The following SEPTIN9 variants were observed in gnomAD, a reference collection of about 807,000 sequenced individuals.
The protein encoded by SEPTIN9 is septin 9, also known as septin-9.
A neutral mutation model predicts 56.6 loss-of-function variants in SEPTIN9; 13 were observed. That is an observed-to-expected ratio of 0.23 (90% confidence interval 0.15 to 0.37). The LOEUF is 0.37. Ranked by LOEUF, SEPTIN9 falls within the 10% of genes least tolerant of loss-of-function variation. The pLI is 1.00. For synonymous variants in SEPTIN9, 332 were observed against 334.1 expected, an observed-to-expected ratio of 0.99 and a Z score of 0.07; for missense variants, 650 against 823.1, an observed-to-expected ratio of 0.79 and a Z score of 2.57.
At position 77,497,299 on chromosome 17, in the gene SEPTIN9, C is replaced by T; in HGVS notation, c.1574-16C>T. 6.2e-7 allele frequency: 1 copy of T among 1,612,712 alleles called. No homozygotes were observed. The highest frequency in any genetic ancestry group is 8.5e-7 in the Non-Finnish European group (1 of 1,179,150). ...CTCCACTGGGACATTAAAGCCCCTC[C>T]TGTCTCCTCTCCTAGTTGAAAACAC... On this transcript the variant is annotated splice_polypyrimidine_tract_variant and intron_variant, in intron 10 of 11. Coordinates refer to ENST00000427177, the MANE Select transcript of SEPTIN9 (RefSeq NM_001113491.2).
intron 1 of SEPTIN9, among the ~76,000 whole-genome samples, chr17:77,296,183 C>T (rs541359282): frequency 3.3e-5 from 5 of 152,256 alleles, no homozygotes; most frequent in African/African-American, 9.6e-5. Flanking sequence ...CTAACCCTGA[C>T]GGCACCTTGA....
intron 3 of SEPTIN9, among the ~76,000 whole-genome samples, chr17:77,430,212 C>T (rs1158232477): frequency 5.3e-5 from 8 of 152,188 alleles, no homozygotes; most frequent in African/African-American, 1.4e-4. Context: ...CCGCCAGCTC[C>T]ATCCCCAGCT....
At chr17:77,376,141 A>G in intron 2 of SEPTIN9, 1 of 986,932 alleles carries the variant, frequency 1.0e-6, no homozygotes, top group Non-Finnish European at 1.2e-6. Flanking sequence ...AAGAGGAAGG[A>G]GAGCCTTCTG....
At position 77,456,081 on chromosome 17, in the gene SEPTIN9, G is replaced by A. The variant is rs192341432; in HGVS notation, c.722-26063G>A. 2.5e-3 allele frequency among the ~76,000 whole-genome samples: 382 copies of A among 152,210 alleles called. 9 individuals carry two copies. In the South Asian group the frequency reaches 0.055, roughly 22 times the overall value. ...CTTTTGTGCCTTGTGTGCTGGGGCC[G>A]GAGGAAACACTGCCCGTGGCCGGTG... On this transcript the variant is annotated intron_variant, in intron 3 of 11. Transcript: ENST00000427177. The surrounding 1 kb of genome is among the most constrained non-coding windows in gnomAD (Gnocchi z 6.0).
chr17:77,318,662 TGGGAA>T lies in SEPTIN9; in HGVS notation c.76+11466_76+11470del. On this transcript the variant is annotated intron_variant, in intron 2 of 11. Transcript: ENST00000427177. The surrounding 1 kb of genome is among the most constrained non-coding windows in gnomAD (Gnocchi z 4.9). ...GGTTGCTTGATGTCTCCCAGAAGGC[TGGGAA>T]TGGTCCTCCCCACCCCCCAGGAAGA... Among the ~76,000 whole-genome samples the T allele has an allele frequency of 6.6e-6, 1 of 152,030 alleles. No homozygotes were observed. Among genetic ancestry groups the T allele is most frequent in the Non-Finnish European group, 1.5e-5 (1 of 67,968 alleles).
At chr17:77,404,631 G>A (rs1189313213) in intron 3 of SEPTIN9, among the ~76,000 whole-genome samples, 3 of 152,108 alleles carry the variant, frequency 2.0e-5, no homozygotes, top group South Asian at 2.1e-4. Flanking sequence ...GAGGGTGTGG[G>A]TTTGGGGGGA....
intron 3 of SEPTIN9, among the ~76,000 whole-genome samples, chr17:77,459,447 C>T (rs2038361391): frequency 6.6e-6 from 1 of 152,194 alleles, no homozygotes; most frequent in Non-Finnish European, 1.5e-5. Context: ...GTGAGGACCT[C>T]GCAGTTGCCA....
intron 3 of SEPTIN9, among the ~76,000 whole-genome samples, chr17:77,478,519 G>A (rs1051165155): frequency 6.6e-6 from 1 of 152,204 alleles, no homozygotes; most frequent in Non-Finnish European, 1.5e-5. Flanking sequence ...AATCAAAGGC[G>A]GGACAGGCCG....
rs1177553056 is a variant in SEPTIN9, at chr17:77,437,835, AAGTC to A, written c.721+35135_721+35138del. On this transcript the variant is annotated intron_variant, in intron 3 of 11. Coordinates refer to ENST00000427177, the MANE Select transcript of SEPTIN9 (RefSeq NM_001113491.2). This position sits in a 1 kb window ranked among gnomAD's most constrained non-coding sequence, Gnocchi z 5.3. ...TCCTGTAGCCCCACTCCCTGTAAGA[AAGTC>A]AGGTGCCTCCCGAAGCTTCTCCCTG... is the stretch of plus-strand genomic sequence containing the variant. 1.3e-5 allele frequency among the ~76,000 whole-genome samples: 2 copies of A among 152,120 alleles called. No individual in the cohort carries two copies. The highest frequency in any genetic ancestry group is 2.4e-5 in the African/African-American group (1 of 41,402).
chr17:77,415,907 G>A (rs1326373665), intron 3 of SEPTIN9, among the ~76,000 whole-genome samples: 1 of 152,240 alleles, frequency 6.6e-6, no homozygotes, highest in Non-Finnish European at 1.5e-5. Flanking sequence ...AGGGCCGGCT[G>A]GGGCAAGGTG....
At chr17:77,333,013 AT>A (rs1370943805) in intron 2 of SEPTIN9, among the ~76,000 whole-genome samples, 1 of 152,186 alleles carries the variant, frequency 6.6e-6, no homozygotes, top group Non-Finnish European at 1.5e-5. Context: ...GTAGGTATAC[AT>A]TTAGTTTTAT....
At chr17:77,386,064 G>A (rs924782580) in intron 2 of SEPTIN9, among the ~76,000 whole-genome samples, 3 of 152,200 alleles carry the variant, frequency 2.0e-5, no homozygotes, top group Non-Finnish European at 4.4e-5. Context: ...CCCGGGGTGG[G>A]GTGTAGATGG....
chr17:77,421,382 C>A lies in SEPTIN9; in HGVS notation c.721+18679C>A, dbSNP rs759199329. Among the ~76,000 whole-genome samples, 50 of 152,296 alleles carry A rather than the reference C, an allele frequency of 3.3e-4. No individual in the cohort carries two copies. Among genetic ancestry groups the A allele is most frequent in the African/African-American group, 1.2e-3 (50 of 41,558 alleles). On this transcript the variant is annotated intron_variant, in intron 3 of 11. Transcript: ENST00000427177. The surrounding 1 kb of genome is among the most constrained non-coding windows in gnomAD (Gnocchi z 4.6). Reference sequence around the variant, plus strand: ...AGCTCATCTTTCTCTGTCTCCTCCCCCTGCCGCCTCTCCCCACAAGACTGG... The same window carrying A: ...AGCTCATCTTTCTCTGTCTCCTCCCACTGCCGCCTCTCCCCACAAGACTGG...
At position 77,405,632 on chromosome 17, in the gene SEPTIN9, C is replaced by T. The variant is rs1342978443; in HGVS notation, c.721+2929C>T. 2.0e-5 allele frequency among the ~76,000 whole-genome samples: 3 copies of T among 151,896 alleles called. No homozygotes were observed. The highest frequency in any genetic ancestry group is 1.9e-4 in the East Asian group (1 of 5,168). ...CAGGTGGAGGAAATGCAGGGACAGA[C>T]GAGGGCAGGGCCTTCCCAATGGAGG... On this transcript the variant is annotated intron_variant, in intron 3 of 11. Coordinates refer to ENST00000427177, the MANE Select transcript of SEPTIN9 (RefSeq NM_001113491.2). This position sits in a 1 kb window ranked among gnomAD's most constrained non-coding sequence, Gnocchi z 5.8.
chr17:77,399,085 G>T (rs895621726), intron 2 of SEPTIN9, among the ~76,000 whole-genome samples: 32 of 152,340 alleles, frequency 2.1e-4, no homozygotes, highest in African/African-American at 7.0e-4. Context: ...TGCCCTAGGG[G>T]AGGGGCCAGC....
intron 7 of SEPTIN9, among the ~76,000 whole-genome samples, chr17:77,489,385 C>T (rs2039931883): frequency 6.6e-6 from 1 of 152,136 alleles, no homozygotes; most frequent in South Asian, 2.1e-4. Context: ...CTGACGTCGC[C>T]CCTAGAGATC....
chr17:77,337,123 C>T (rs1042111538), intron 2 of SEPTIN9, among the ~76,000 whole-genome samples: 2 of 151,904 alleles, frequency 1.3e-5, no homozygotes, highest in East Asian at 3.9e-4. Context: ...ACCTCAGCCT[C>T]CTAAGTAGCA....
chr17:77,472,690 C>T (rs1374144446), intron 3 of SEPTIN9: 10 of 152,328 alleles, frequency 6.6e-5, no homozygotes, highest in Admixed American at 2.0e-4. Flanking sequence ...CCATTGTGCT[C>T]GATTTCTAAG....
chr17:77,325,938 A>C (rs575028151), intron 2 of SEPTIN9, among the ~76,000 whole-genome samples: 20 of 152,254 alleles, frequency 1.3e-4, no homozygotes, highest in African/African-American at 4.8e-4. Context: ...TCTCCTAGCA[A>C]CGGGGAGCTG....
Sources: allele counts gnomAD v4.1 joint callset (sites outside exome capture counted in the v4.1 genomes callset), GRCh38; gene constraint gnomAD v4.1.1; non-coding constraint Gnocchi (gnomAD v3.1); transcripts MANE v1.5; gene names NCBI Gene and HGNC (gene_info 2026-07-23, HGNC 2026-07-21).